The following GRAMD1B variants were observed in gnomAD, a reference collection of about 807,000 sequenced individuals.
GRAMD1B encodes the protein protein Aster-B.
Under a neutral mutation model 99.7 loss-of-function variants are expected in GRAMD1B, and 37 were observed. The observed-to-expected ratio is 0.37, with a 90% CI of 0.29 to 0.49. GRAMD1B has a LOEUF of 0.49. GRAMD1B is among the 20% of genes least tolerant of loss of function. GRAMD1B has a pLI of 0.98. For synonymous variants in GRAMD1B, 427 were observed against 387.6 expected, an observed-to-expected ratio of 1.10 and a Z score of -1.19; for missense variants, 888 against 1,009.2, an observed-to-expected ratio of 0.88 and a Z score of 1.63.
chr11:123,583,669 G>A (rs994290042), intron 3 of GRAMD1B, among the ~76,000 whole-genome samples: 2 of 152,078 alleles, frequency 1.3e-5, no homozygotes, highest in Non-Finnish European at 2.9e-5. Flanking sequence ...CTGGGGTGGG[G>A]TCTGTTTTGC....
intron 1 of GRAMD1B, among the ~76,000 whole-genome samples, chr11:123,377,979 ACT>A (rs1946746757): frequency 6.6e-6 from 1 of 152,110 alleles, no homozygotes; most frequent in South Asian, 2.1e-4. Context: ...TGCTCAGCAC[ACT>A]CTGTCCTTTT....
In GRAMD1B at chr11:123,401,578, A is replaced by ATCTT. The variant is rs1947663953; in HGVS notation, c.-176+42779_-176+42780insTCTT. Among the ~76,000 whole-genome samples the ATCTT allele has an allele frequency of 2.0e-5, 3 of 152,342 alleles. No homozygotes were observed. The South Asian group carries it at 6.2e-4, about 32-fold the overall frequency. Reference sequence around the variant, plus strand: ...GGCTCCTCCATCTGGAGACTGGAAGAACCAAGGACAGGCAAGCCGCCAGAC... The same window carrying ATCTT: ...GGCTCCTCCATCTGGAGACTGGAAGATCTTACCAAGGACAGGCAAGCCGCCAGAC... On this transcript the variant is annotated intron_variant, in intron 1 of 20. Transcript: ENST00000638157.
chr11:123,566,195 G>C (rs1432863782), intron 2 of GRAMD1B, among the ~76,000 whole-genome samples: 2 of 152,094 alleles, frequency 1.3e-5, no homozygotes, highest in African/African-American at 2.4e-5. Context: ...GGTTGTGATC[G>C]TGCAACAGAC....
intron 1 of GRAMD1B, among the ~76,000 whole-genome samples, chr11:123,472,750 C>T (rs1951079236): frequency 6.6e-6 from 1 of 152,174 alleles, no homozygotes; most frequent in Non-Finnish European, 1.5e-5. Flanking sequence ...CTGGCCACTC[C>T]ACCCTAATCT....
chr11:123,395,908 G>A (rs1025656392), intron 1 of GRAMD1B, among the ~76,000 whole-genome samples: 1 of 152,186 alleles, frequency 6.6e-6, no homozygotes, highest in African/African-American at 2.4e-5. Context: ...CTGTCTTGCA[G>A]AACTGTTGGG....
At chr11:123,451,946 G>T (rs1949907657) in intron 1 of GRAMD1B, among the ~76,000 whole-genome samples, 1 of 151,998 alleles carries the variant, frequency 6.6e-6, no homozygotes, top group Non-Finnish European at 1.5e-5. Flanking sequence ...TGATCCTTTT[G>T]TCTCAACCTC....
At chr11:123,461,542 T>A (rs1490999528) in intron 1 of GRAMD1B, among the ~76,000 whole-genome samples, 2 of 152,236 alleles carry the variant, frequency 1.3e-5, no homozygotes, top group African/African-American at 4.8e-5. Context: ...CTGCTCTGTC[T>A]TTTTTGGATT....
At chr11:123,486,657 A>G (rs1937832506) in intron 2 of GRAMD1B, among the ~76,000 whole-genome samples, 2 of 152,200 alleles carry the variant, frequency 1.3e-5, no homozygotes, top group South Asian at 4.1e-4. Flanking sequence ...AAATAGATTA[A>G]GTTGTGGTAT....
intron 1 of GRAMD1B, among the ~76,000 whole-genome samples, chr11:123,385,531 C>A (rs1947026429): frequency 6.6e-6 from 1 of 152,184 alleles, no homozygotes; most frequent in Non-Finnish European, 1.5e-5. Flanking sequence ...CCTTTCCTGT[C>A]CACTGCCCAT....
chr11:123,619,088 C>T lies in GRAMD1B; in HGVS notation c.2427-19C>T. The stretch of plus-strand genomic sequence containing the variant: ...AGCATAACTCCAGCTGCTGGGGTAC[C>T]CCTTCTTCTACCCCACAGGTTACCC... On this transcript the variant is annotated intron_variant, in intron 18 of 19. Transcript: ENST00000635736. 7.4e-7 allele frequency: 1 copy of T among 1,356,244 alleles called. No individual in the cohort carries two copies. The highest frequency in any genetic ancestry group is 1.0e-6 in the Non-Finnish European group (1 of 969,572). The allele number at this position is 1,356,244 out of a possible 1,614,324, so 84.0% of individuals were successfully genotyped here.
intron 19 of GRAMD1B, among the ~76,000 whole-genome samples, chr11:123,621,091 C>T (rs755851367): frequency 2.1e-4 from 32 of 152,130 alleles, no homozygotes; most frequent in African/African-American, 3.1e-4. Context: ...TTGTTTCAAT[C>T]CCTTTAAAAG....
intron 14 of GRAMD1B, 49 bp from the exon 15 acceptor site, chr11:123,612,712 G>C: frequency 9.8e-7 from 1 of 1,020,580 alleles, no homozygotes; most frequent in Non-Finnish European, 1.5e-6. Flanking sequence ...CCCAGCAGAG[G>C]CAGGCCCACC....
intron 1 of GRAMD1B, among the ~76,000 whole-genome samples, chr11:123,363,473 C>T (rs555227995): frequency 6.6e-6 from 1 of 152,164 alleles, no homozygotes; most frequent in African/African-American, 2.4e-5. Context: ...CAGAAAGGAA[C>T]CTTGTTCTCT....
intron 2 of GRAMD1B, among the ~76,000 whole-genome samples, chr11:123,528,715 C>T (rs909095172): frequency 1.3e-5 from 2 of 151,938 alleles, no homozygotes; most frequent in East Asian, 3.9e-4. Flanking sequence ...TCTGTTGTCT[C>T]TTATATTCAT....
At chr11:123,391,560 A>G (rs1408304469) in intron 1 of GRAMD1B, among the ~76,000 whole-genome samples, 1 of 152,074 alleles carries the variant, frequency 6.6e-6, no homozygotes, top group East Asian at 1.9e-4. Flanking sequence ...GGGTTCAAGC[A>G]ATTCTCCTGC....
chr11:123,445,600 G>C (rs368241617), intron 1 of GRAMD1B, among the ~76,000 whole-genome samples: 46 of 152,180 alleles, frequency 3.0e-4, no homozygotes, highest in African/African-American at 9.6e-4. Context: ...CAGGTCACTT[G>C]AGGTCAGGAG....
At chr11:123,386,602 T>C (rs1947068890) in intron 1 of GRAMD1B, among the ~76,000 whole-genome samples, 1 of 152,070 alleles carries the variant, frequency 6.6e-6, no homozygotes, top group Non-Finnish European at 1.5e-5. Context: ...CACACCCAGC[T>C]AATTTTTTGT....
At position 123,418,300 on chromosome 11, in the gene GRAMD1B, T is replaced by G. The variant is rs116434109; in HGVS notation, c.-176+59501T>G. ...TCTGTCAGGGTTTCCCAAGGGGAGTTGGAAGATTTGCCCATCTGGAGATCT... is the reference window on the plus strand; with the variant it reads ...TCTGTCAGGGTTTCCCAAGGGGAGTGGGAAGATTTGCCCATCTGGAGATCT... On this transcript the variant is annotated intron_variant, in intron 1 of 20. Coordinates refer to the GRAMD1B transcript ENST00000638157. Among the ~76,000 whole-genome samples the G allele has an allele frequency of 6.8e-3, 1,041 of 152,244 alleles. 17 individuals are homozygous for G. The highest frequency in any genetic ancestry group is 0.024 in the African/African-American group (1,000 of 41,530).
rs370784829 is a variant in GRAMD1B at position 123,537,170 on chromosome 11, G to C, written c.453-40197G>C. Among the ~76,000 whole-genome samples, 19 of 152,282 alleles carry C rather than the reference G, an allele frequency of 1.2e-4. 1 individual carries two copies. Among genetic ancestry groups the C allele is most frequent in the Middle Eastern group, 3.4e-3 (1 of 294 alleles). On this transcript the variant is annotated intron_variant, in intron 2 of 19. Transcript: ENST00000635736. ...TTGTTGCTCTAGCAGAGTGCCTGCT[G>C]TCATGGGGGTAGCCAGAGCTGGACC...
Sources: allele counts gnomAD v4.1 joint callset (sites outside exome capture counted in the v4.1 genomes callset), GRCh38; gene constraint gnomAD v4.1.1; transcripts MANE v1.5; gene names NCBI Gene and HGNC (gene_info 2026-07-23, HGNC 2026-07-21).